Variants in ELOVL4 observed in about 807,000 individuals in gnomAD.
ELOVL4 encodes the protein ELOVL fatty acid elongase 4, also known as very long chain fatty acid elongase 4.
In ELOVL4, 18 loss-of-function variants were observed where a neutral mutation model predicts 42.1. The ratio of observed to expected loss-of-function variants is 0.43; its 90% CI spans 0.30 to 0.63. The LOEUF is 0.63. Ranked by LOEUF, ELOVL4 falls within the 30% of genes least tolerant of loss-of-function variation. The pLI, the probability that ELOVL4 is intolerant of heterozygous loss-of-function variation, is 0.15. For missense variants in ELOVL4, 299 were observed against 376.2 expected (o/e 0.79, Z 1.70); for synonymous variants, 117 against 127.0 (o/e 0.92, Z 0.53).
chr6:79,942,540 C>T (rs1774665975), intron 1 of ELOVL4, among the ~76,000 whole-genome samples: 1 of 152,126 alleles, frequency 6.6e-6, no homozygotes, highest in Admixed American at 6.5e-5. Flanking sequence ...ATCCACAGGA[C>T]TTGAGCAAAA....
intron 4 of ELOVL4, among the ~76,000 whole-genome samples, chr6:79,920,510 T>C (rs943814278): frequency 3.9e-5 from 6 of 152,232 alleles, no homozygotes; most frequent in African/African-American, 1.4e-4. Context: ...TGTTTCTGAT[T>C]TCAGATTTTT....
At chr6:79,928,751 T>TA (rs1774393448) in intron 1 of ELOVL4, among the ~76,000 whole-genome samples, 1 of 146,086 alleles carries the variant, frequency 6.8e-6, no homozygotes, top group Admixed American at 6.8e-5. Context: ...TTTTTTTTTT[T>TA]TTTTAAGAAA....
chr6:79,923,726 C>A (rs1340319791), intron 3 of ELOVL4, among the ~76,000 whole-genome samples: 1 of 152,140 alleles, frequency 6.6e-6, no homozygotes, highest in Non-Finnish European at 1.5e-5. Flanking sequence ...GGCTTTTCAC[C>A]CCTGTCCCCA....
rs750955255 is a variant in ELOVL4 at position 79,916,606 on chromosome 6, A to T, written c.*2T>A. The T allele has an allele frequency of 1.2e-6, 2 of 1,613,624 alleles. No homozygotes were observed. Among genetic ancestry groups the T allele is most frequent in the South Asian group, 2.2e-5 (2 of 91,072 alleles). On this transcript the variant is annotated 3_prime_UTR_variant, in exon 6 of 6. Coordinates refer to ENST00000369816, the MANE Select transcript of ELOVL4 (RefSeq NM_022726.4). ...TCAACAACAGTTAAGGCCCAGTTCA[A>T]TTTAATCTCCTTTTGCTTTTCCATT...
Position 79,932,564 on chromosome 6 carries a change from T to G in ELOVL4, c.101-6183A>C, listed in dbSNP as rs115937813. The stretch of plus-strand genomic sequence containing the variant: ...GAGACTCCTTCTCAAAAAAAAAAAA[T>G]AGAGTCCACCTGAAATGGGGTTTCC... On this transcript the variant is annotated intron_variant, in intron 1 of 5. Transcript: ENST00000369816. Among the ~76,000 whole-genome samples, 1,374 of 144,492 alleles carry G rather than the reference T, an allele frequency of 9.5e-3. 20 individuals are homozygous for G. Among genetic ancestry groups the G allele is most frequent in the African/African-American group, 0.034 (1,303 of 38,168 alleles). The allele number at this position is 144,492 out of a possible 152,430, so 94.8% of individuals were successfully genotyped here.
At position 79,947,367 on chromosome 6, in the gene ELOVL4, AGCGGCGGCCGGGAACCCCTCTAACG is replaced by A; in HGVS notation, c.-113_-89del. The A allele has an allele frequency of 1.9e-6, 2 of 1,063,676 alleles. No individual in the cohort carries two copies. The highest frequency in any genetic ancestry group is 2.8e-6 in the Non-Finnish European group (2 of 712,640). 65.9% of individuals were successfully genotyped at this position (1,063,676 alleles called of 1,614,324 possible). A position where few individuals can be genotyped will look rare whatever the true frequency, so the allele number is the denominator to read the frequency against. ...GGAGGCGGTGGCGGCCGACGGGGCG[AGCGGCGGCCGGGAACCCCTCTAACG>A]GCGGCGGCCCGGCTGCGTCTTCTCC... is the stretch of plus-strand genomic sequence containing the variant. On this transcript the variant is annotated 5_prime_UTR_variant, in exon 1 of 6. Coordinates refer to ENST00000369816, the MANE Select transcript of ELOVL4 (RefSeq NM_022726.4).
intron 1 of ELOVL4, among the ~76,000 whole-genome samples, chr6:79,933,515 G>A (rs150789502): frequency 2.0e-4 from 30 of 152,254 alleles, no homozygotes; most frequent in African/African-American, 6.5e-4. Flanking sequence ...ACAGTCATGA[G>A]CCACCACACC....
chr6:79,921,459 C>CAAAAAA lies in ELOVL4; in HGVS notation c.541+160_541+165dup, dbSNP rs1168483827. 4.4e-3 allele frequency among the ~76,000 whole-genome samples: 188 copies of CAAAAAA among 42,392 alleles called. 2 individuals are homozygous for CAAAAAA. Among genetic ancestry groups the CAAAAAA allele is most frequent in the East Asian group, 6.8e-3 (5 of 732 alleles). The allele number at this position is 42,392 out of a possible 152,430, so 27.8% of individuals were successfully genotyped here. On this transcript the variant is annotated intron_variant, in intron 4 of 5. Coordinates refer to ENST00000369816, the MANE Select transcript of ELOVL4 (RefSeq NM_022726.4). ...CTGGTGACAGAGCGAGACTCCATCT[C>CAAAAAA]AAAAAAAAAAAAAAAAAAAAAAAAA...
intron 3 of ELOVL4, among the ~76,000 whole-genome samples, chr6:79,924,632 T>C (rs1217631736): frequency 6.6e-6 from 1 of 151,922 alleles, no homozygotes; most frequent in East Asian, 1.9e-4. Flanking sequence ...GGCTGGGAGT[T>C]CAAGACCAGA....
chr6:79,931,383 C>T lies in ELOVL4; in HGVS notation c.101-5002G>A, dbSNP rs573897137. ...AGAGGTCAAGAGACTTGCCACTGCA[C>T]GTAAAGCAAGAGCCTCATGTAACCT... On this transcript the variant is annotated intron_variant, in intron 1 of 5. Coordinates refer to ENST00000369816, the MANE Select transcript of ELOVL4 (RefSeq NM_022726.4). Among the ~76,000 whole-genome samples the T allele has an allele frequency of 1.4e-4, 22 of 152,190 alleles. No individual in the cohort carries two copies. The South Asian group carries it at 4.2e-3, about 29-fold the overall frequency.
chr6:79,924,342 T>C (rs964565135), intron 3 of ELOVL4, among the ~76,000 whole-genome samples: 1 of 152,126 alleles, frequency 6.6e-6, no homozygotes, highest in African/African-American at 2.4e-5. Flanking sequence ...CAAACAAAAA[T>C]CTAAAATAAT....
intron 3 of ELOVL4, among the ~76,000 whole-genome samples, chr6:79,924,653 T>C (rs943418518): frequency 2.0e-5 from 3 of 151,976 alleles, no homozygotes; most frequent in African/African-American, 2.4e-5. Flanking sequence ...CTGGGCAACA[T>C]AGCAAGACCC....
intron 3 of ELOVL4, among the ~76,000 whole-genome samples, chr6:79,922,248 T>G (rs1276425142): frequency 6.6e-6 from 1 of 152,156 alleles, no homozygotes; most frequent in Non-Finnish European, 1.5e-5. Context: ...TCTGCCTGTC[T>G]GCCCACCCTC....
intron 1 of ELOVL4, among the ~76,000 whole-genome samples, chr6:79,928,755 T>TTTTTTTA (rs1554162853): frequency 6.9e-6 from 1 of 145,406 alleles, no homozygotes; most frequent in African/African-American, 2.5e-5. Context: ...TTTTTTTTTT[T>TTTTTTTA]AAGAAATGGA....
chr6:79,925,030 T>C lies in ELOVL4; in HGVS notation c.291A>G (p.Leu97=). Residue 97 remains leucine (L), a splice_region_variant and synonymous_variant, in exon 3 of 6, where the codon TTA becomes TTG. Coordinates refer to ENST00000369816, the MANE Select transcript of ELOVL4 (RefSeq NM_022726.4). ...ATCCCGCATTATATGATCCCATGAATAACTGGAAAAAGAGTAATAATATTT... is the reference window on the plus strand; with the variant it reads ...ATCCCGCATTATATGATCCCATGAACAACTGGAAAAAGAGTAATAATATTT... ...VLLNLFIFRE[L]FMGSYNAGYS... 3 of 1,590,730 alleles carry C rather than the reference T, an allele frequency of 1.9e-6. No homozygotes were observed. The highest frequency in any genetic ancestry group is 1.7e-5 in the Admixed American group (1 of 59,926).
chr6:79,930,295 C>A (rs1369576173), intron 1 of ELOVL4, among the ~76,000 whole-genome samples: 1 of 152,188 alleles, frequency 6.6e-6, no homozygotes, highest in African/African-American at 2.4e-5. Context: ...TTACACCATA[C>A]CCTTCTCAAA....
At position 79,916,748 on chromosome 6, in the gene ELOVL4, T is replaced by C. The variant is rs1171198213; in HGVS notation, c.805A>G (p.Thr269Ala). 1 of 1,614,176 alleles carries C rather than the reference T, an allele frequency of 6.2e-7. No homozygotes were observed. The highest frequency in any genetic ancestry group is 8.5e-7 in the Non-Finnish European group (1 of 1,180,046). The change falls in exon 6 of 6, where the codon ACA (threonine) becomes GCA (alanine). Residue 269 changes from threonine to alanine, a missense_variant. Physicochemically the swap from Thr to Ala is moderately conservative, Grantham distance 58. Coordinates refer to ENST00000369816, the MANE Select transcript of ELOVL4 (RefSeq NM_022726.4). Reference sequence around the variant, plus strand: ...TTTGGTTTCTTAGGCTCTTTGTATGTCCGAATGTAGAAGTTAAGAAAGAGA... The same window carrying C: ...TTTGGTTTCTTAGGCTCTTTGTATGCCCGAATGTAGAAGTTAAGAAAGAGA... ...IFLFLNFYIRTYKEPKKPKAG... is the reference protein window; with the variant it reads ...IFLFLNFYIRAYKEPKKPKAG...
At position 79,919,114 on chromosome 6, in the gene ELOVL4, C is replaced by A. The variant is rs1423193997; in HGVS notation, c.669+306G>T. Among the ~76,000 whole-genome samples the A allele has an allele frequency of 4.8e-5, 4 of 83,322 alleles. No homozygotes were observed. The East Asian group carries it at 1.2e-3, about 25-fold the overall frequency. The allele number at this position is 83,322 out of a possible 152,430, so 54.7% of individuals were successfully genotyped here. ...ACATATTATTTTTCTATTCATACTA[C>A]GTACTTTGTAGCGTGCTTAGATCTT... is the stretch of plus-strand genomic sequence containing the variant. On this transcript the variant is annotated intron_variant, in intron 5 of 5. Coordinates refer to ENST00000369816, the MANE Select transcript of ELOVL4 (RefSeq NM_022726.4).
chr6:79,918,330 G>C (rs1774193683), intron 5 of ELOVL4, among the ~76,000 whole-genome samples: 1 of 152,116 alleles, frequency 6.6e-6, no homozygotes, highest in South Asian at 2.1e-4. Context: ...GGTGTGATTG[G>C]GTATGGCATC....
Sources: allele counts gnomAD v4.1 joint callset (sites outside exome capture counted in the v4.1 genomes callset), GRCh38; gene constraint gnomAD v4.1.1; transcripts MANE v1.5; gene names NCBI Gene and HGNC (gene_info 2026-07-23, HGNC 2026-07-21).